The following FAM171A1 variants were observed in gnomAD, a reference collection of about 807,000 sequenced individuals.
FAM171A1 encodes family with sequence similarity 171 member A1.
Under a neutral mutation model 74.9 loss-of-function variants are expected in FAM171A1, and 23 were observed. The ratio of observed to expected loss-of-function variants is 0.31; its 90% confidence interval spans 0.22 to 0.44. FAM171A1 has a LOEUF of 0.44. Among genes scored for constraint, FAM171A1 ranks in the 20% least tolerant of loss-of-function variants. FAM171A1 has a pLI of 1.00. For missense variants in FAM171A1, 1,162 were observed against 1,159.2 expected (o/e 1.00, Z -0.03); for synonymous variants, 527 against 505.7 (o/e 1.04, Z -0.57).
At chr10:15,217,454 T>C (rs947396389) in intron 6 of FAM171A1, among the ~76,000 whole-genome samples, 1 of 152,190 alleles carries the variant, frequency 6.6e-6, no homozygotes, top group Admixed American at 6.6e-5. Context: ...AATCTCCTAA[T>C]TTAAGACCTA....
chr10:15,269,840 C>A (rs972840733), intron 3 of FAM171A1, among the ~76,000 whole-genome samples: 2 of 152,286 alleles, frequency 1.3e-5, no homozygotes, highest in East Asian at 3.9e-4. Flanking sequence ...ATGTGGTGTG[C>A]CTCACAGGGA....
chr10:15,330,896 A>ATT (rs200136317), intron 1 of FAM171A1, among the ~76,000 whole-genome samples: 4 of 134,062 alleles, frequency 3.0e-5, no homozygotes, highest in Non-Finnish European at 6.5e-5. Flanking sequence ...TTTTTATTTT[A>ATT]TTTTTTTTTT....
chr10:15,306,632 C>T (rs1451387977), intron 1 of FAM171A1, among the ~76,000 whole-genome samples: 1 of 152,178 alleles, frequency 6.6e-6, no homozygotes, highest in Non-Finnish European at 1.5e-5. Flanking sequence ...TCCCAAAGTG[C>T]TGGGATTATA....
intron 5 of FAM171A1, among the ~76,000 whole-genome samples, chr10:15,245,826 A>G (rs573727291): frequency 6.6e-6 from 1 of 152,380 alleles, no homozygotes; most frequent in East Asian, 1.9e-4. Flanking sequence ...TTACAAATGC[A>G]AATAGAGGTA....
At chr10:15,332,011 G>A (rs1006704647) in intron 1 of FAM171A1, among the ~76,000 whole-genome samples, 8 of 151,456 alleles carry the variant, frequency 5.3e-5, no homozygotes, top group African/African-American at 9.7e-5. Context: ...GTGCAATGGC[G>A]CGATCTTGGC....
intron 1 of FAM171A1, among the ~76,000 whole-genome samples, chr10:15,300,103 C>G (rs372778212): frequency 1.3e-5 from 2 of 152,188 alleles, no homozygotes; most frequent in Non-Finnish European, 2.9e-5. Flanking sequence ...CCTGGAGCAG[C>G]TGAAGTTTAG....
At chr10:15,334,940 C>T (rs577904130) in intron 1 of FAM171A1, among the ~76,000 whole-genome samples, 2 of 152,162 alleles carry the variant, frequency 1.3e-5, no homozygotes, top group Non-Finnish European at 2.9e-5. Flanking sequence ...TACAAAATCC[C>T]GATTCAAGAT....
At chr10:15,322,116 A>C (rs1401100519) in intron 1 of FAM171A1, among the ~76,000 whole-genome samples, 1 of 152,190 alleles carries the variant, frequency 6.6e-6, no homozygotes, top group Admixed American at 6.5e-5. Context: ...GGGTTATTAT[A>C]TCTTTTAAAC....
At chr10:15,352,104 G>A (rs188216695) in intron 1 of FAM171A1, among the ~76,000 whole-genome samples, 121 of 151,142 alleles carry the variant, frequency 8.0e-4, no homozygotes, top group African/African-American at 2.9e-3. Context: ...GCTGGGTGTG[G>A]TGTGCACACC....
intron 1 of FAM171A1, among the ~76,000 whole-genome samples, chr10:15,335,882 T>C (rs80285257): frequency 7.4e-4 from 113 of 152,302 alleles, no homozygotes; most frequent in African/African-American, 2.5e-3. Flanking sequence ...ATCCTTAAGA[T>C]TGATAATAAA....
intron 1 of FAM171A1, among the ~76,000 whole-genome samples, chr10:15,349,336 C>T (rs979722637): frequency 3.3e-5 from 5 of 152,194 alleles, no homozygotes; most frequent in Non-Finnish European, 5.9e-5. Flanking sequence ...AAACTGTGAA[C>T]TCAGGAAGGG....
intron 1 of FAM171A1, among the ~76,000 whole-genome samples, chr10:15,370,133 T>G (rs1836118309): frequency 6.6e-6 from 1 of 151,980 alleles, no homozygotes; most frequent in Non-Finnish European, 1.5e-5. Flanking sequence ...TCGTGGCCAT[T>G]CTCAGAGGCG....
rs1833962834 is a variant in FAM171A1 at position 15,216,060 on chromosome 10, C to T, written c.922G>A (p.Ala308Thr). The T allele has an allele frequency of 6.2e-7, 1 of 1,611,500 alleles. No homozygotes were observed. Among genetic ancestry groups the T allele is most frequent in the African/African-American group, 1.3e-5 (1 of 74,778 alleles). ...ATGAAAGCCATTCCTCCTAAAATGG[C>T]CAAAAGAAACACCGTGTGATACGTG... ...ITTYHTVFLL[A>T]ILGGMAFILL... The change falls in exon 7 of 8, where the codon GCC (alanine) becomes ACC (threonine). Residue 308 changes from alanine (A) to threonine (T), a missense_variant. Ala to Thr is a moderately conservative substitution (Grantham distance 58). Coordinates refer to ENST00000378116, the MANE Select transcript of FAM171A1 (RefSeq NM_001010924.2).
intron 1 of FAM171A1, among the ~76,000 whole-genome samples, chr10:15,334,830 T>C (rs1012272810): frequency 6.6e-6 from 1 of 152,226 alleles, no homozygotes; most frequent in Admixed American, 6.5e-5. Context: ...CTGAATACAC[T>C]TTATGCTACA....
chr10:15,318,286 G>A (rs550082043), intron 1 of FAM171A1, among the ~76,000 whole-genome samples: 8 of 152,188 alleles, frequency 5.3e-5, no homozygotes, highest in South Asian at 2.1e-4. Flanking sequence ...CAGTGAATCC[G>A]GAGAAAGAGA....
At chr10:15,221,688 C>T (rs762037474) in intron 5 of FAM171A1, among the ~76,000 whole-genome samples, 1 of 152,256 alleles carries the variant, frequency 6.6e-6, no homozygotes, top group African/African-American at 2.4e-5. Context: ...GTAACAAGCA[C>T]CTGCTATGCA....
chr10:15,287,764 TTTTA>T (rs991679043), intron 1 of FAM171A1, among the ~76,000 whole-genome samples: 2 of 152,144 alleles, frequency 1.3e-5, no homozygotes, highest in Admixed American at 6.5e-5. Context: ...AATTTTAAAT[TTTTA>T]TTTATTTATT....
chr10:15,354,720 C>T (rs4748164), intron 1 of FAM171A1, among the ~76,000 whole-genome samples: 149,477 of 152,314 alleles, frequency 0.98, 73,405 homozygotes, highest in Middle Eastern at 1. Context: ...TCATGAACTT[C>T]CATTCTACAA....
intron 1 of FAM171A1, among the ~76,000 whole-genome samples, chr10:15,285,568 G>A (rs1835025718): frequency 6.6e-6 from 1 of 152,196 alleles, no homozygotes; most frequent in African/African-American, 2.4e-5. Context: ...GCTGATTCCA[G>A]AACTATGTGG....
Sources: gnomAD v4.1 joint callset for allele counts (sites outside exome capture counted in the v4.1 genomes callset) on GRCh38, gnomAD v4.1.1 for gene constraint, MANE v1.5 for transcripts, NCBI Gene and HGNC (gene_info 2026-07-23, HGNC 2026-07-21) for gene names.